The following ITGA9 variants were observed in gnomAD, a reference collection of about 807,000 sequenced individuals.
ITGA9 encodes the protein integrin alpha-9.
ITGA9 carries 56 observed loss-of-function variants against 127.8 expected under a neutral mutation model. The observed-to-expected ratio is 0.44, with a 90% confidence interval of 0.35 to 0.55. ITGA9 has a LOEUF of 0.55. ITGA9 is among the 20% of genes least tolerant of loss of function. ITGA9 has a pLI of 0.00. For missense variants in ITGA9, 1,196 were observed against 1,347.1 expected (o/e 0.89, Z 1.76); for synonymous variants, 508 against 514.5 (o/e 0.99, Z 0.17).
chr3:37,565,762 C>A (rs888506190), intron 15 of ITGA9, among the ~76,000 whole-genome samples: 4 of 152,200 alleles, frequency 2.6e-5, no homozygotes, highest in African/African-American at 9.6e-5. Context: ...TGATTCTGTA[C>A]CTCTGAGGTG....
intron 1 of ITGA9, among the ~76,000 whole-genome samples, chr3:37,459,548 A>T (rs1295386979): frequency 2.0e-5 from 3 of 152,216 alleles, no homozygotes; most frequent in Non-Finnish European, 4.4e-5. Flanking sequence ...TCCAAATAAC[A>T]TTACCTTGGG....
chr3:37,504,880 G>C (rs1267571712), intron 6 of ITGA9, among the ~76,000 whole-genome samples: 1 of 152,218 alleles, frequency 6.6e-6, no homozygotes, highest in African/African-American at 2.4e-5. Flanking sequence ...TTTAGGGTTA[G>C]AGGGTGATGA....
chr3:37,631,597 C>G (rs1271561546), intron 16 of ITGA9, among the ~76,000 whole-genome samples: 1 of 152,152 alleles, frequency 6.6e-6, no homozygotes, highest in East Asian at 1.9e-4. Flanking sequence ...CAGTAATTTT[C>G]TGGTATGAGT....
chr3:37,686,388 T>G (rs1220810238), intron 18 of ITGA9, among the ~76,000 whole-genome samples: 4 of 152,162 alleles, frequency 2.6e-5, no homozygotes, highest in Non-Finnish European at 5.9e-5. Context: ...CCCTTGAAGC[T>G]GCTGGGGACA....
At chr3:37,495,596 G>A (rs267518) in intron 5 of ITGA9, among the ~76,000 whole-genome samples, 80,355 of 151,908 alleles carry the variant, frequency 0.53, 22,105 homozygotes, top group East Asian at 0.8. Context: ...TATTACAATC[G>A]CCTCCATTAT....
chr3:37,742,849 C>A (rs900731012), intron 21 of ITGA9, among the ~76,000 whole-genome samples: 6 of 152,182 alleles, frequency 3.9e-5, no homozygotes, highest in African/African-American at 1.4e-4. Context: ...ACATGAGGTA[C>A]TGATGGAATA....
rs150920372 is a variant in ITGA9 at position 37,723,503 on chromosome 3, G to A, written c.2068-9209G>A. On this transcript the variant is annotated intron_variant, in intron 18 of 27. Coordinates refer to ENST00000264741, the MANE Select transcript of ITGA9 (RefSeq NM_002207.3). ...AGCCTCCCAAGTAGCTGGGGCTACA[G>A]ATGTGTGCTACTACAACTGGGCTAA... Among the ~76,000 whole-genome samples, 821 of 152,262 alleles carry A rather than the reference G, an allele frequency of 5.4e-3. 5 individuals carry two copies. The highest frequency in any genetic ancestry group is 0.018 in the African/African-American group (762 of 41,562).
At chr3:37,675,743 CTTTT>C (rs5848124) in intron 17 of ITGA9, among the ~76,000 whole-genome samples, 2 of 124,544 alleles carry the variant, frequency 1.6e-5, no homozygotes, top group Admixed American at 8.3e-5. Context: ...TTAAAAACTA[CTTTT>C]TTTTTTTTTT....
At chr3:37,589,359 G>A (rs1462452036) in intron 15 of ITGA9, among the ~76,000 whole-genome samples, 5 of 152,170 alleles carry the variant, frequency 3.3e-5, no homozygotes, top group African/African-American at 1.2e-4. Flanking sequence ...GGTAGCATGG[G>A]ACTTACCAGT....
intron 24 of ITGA9, 23 bp downstream of exon 24, chr3:37,777,540 G>C: frequency 6.2e-7 from 1 of 1,613,552 alleles, no homozygotes; most frequent in South Asian, 1.1e-5. Flanking sequence ...TTAGTGGTTG[G>C]GGTAACACGG....
At position 37,683,866 on chromosome 3, in the gene ITGA9, A is replaced by G; in HGVS notation, c.1918A>G (p.Met640Val). Residue 640 changes from methionine to valine, a missense_variant and splice_region_variant, in exon 18 of 28, where the codon ATG (methionine) becomes GTG (valine). Physicochemically the swap from Met to Val is conservative, Grantham distance 21. Coordinates refer to ENST00000264741, the MANE Select transcript of ITGA9 (RefSeq NM_002207.3). ...ATTGCTGTCTATTTTTCGTTACAGT[A>G]TGGATGAGAAAACCCTGTATCTAGC... ...QLQGKLLLSS[M>V]DEKTLYLALG... 8.7e-6 allele frequency: 14 copies of G among 1,613,964 alleles called. No homozygotes were observed. Among genetic ancestry groups the G allele is most frequent in the Non-Finnish European group, 1.2e-5 (14 of 1,179,974 alleles).
chr3:37,683,475 ACT>A (rs1443581493), intron 17 of ITGA9, among the ~76,000 whole-genome samples: 21 of 152,086 alleles, frequency 1.4e-4, no homozygotes, highest in Admixed American at 1.4e-3. Flanking sequence ...AGCTACCAGG[ACT>A]CTGTTTTCTT....
chr3:37,714,223 G>A (rs1000083238), intron 18 of ITGA9, among the ~76,000 whole-genome samples: 5 of 152,202 alleles, frequency 3.3e-5, no homozygotes, highest in Non-Finnish European at 7.3e-5. Context: ...CCTACCTCAC[G>A]GTGTCAGTGT....
At chr3:37,640,926 T>A (rs2125641272) in intron 16 of ITGA9, among the ~76,000 whole-genome samples, 1 of 152,316 alleles carries the variant, frequency 6.6e-6, no homozygotes, top group Non-Finnish European at 1.5e-5. Context: ...TGGATCCTGC[T>A]GTTCCCTTCC....
chr3:37,749,619 C>G (rs1696555583), intron 22 of ITGA9: 1 of 152,262 alleles, frequency 6.6e-6, no homozygotes, highest in Non-Finnish European at 1.5e-5. Context: ...TTACTGGTCT[C>G]TGTGACCTCC....
At chr3:37,659,533 T>C (rs771188576) in intron 17 of ITGA9, among the ~76,000 whole-genome samples, 37 of 151,926 alleles carry the variant, frequency 2.4e-4, no homozygotes, top group Non-Finnish European at 4.3e-4. Context: ...CTCCATTGGG[T>C]CATTTATGTT....
chr3:37,495,536 C>G (rs896082606), intron 5 of ITGA9, among the ~76,000 whole-genome samples: 5 of 152,132 alleles, frequency 3.3e-5, no homozygotes, highest in African/African-American at 9.7e-5. Flanking sequence ...ATCTGCAGTC[C>G]TGTTGTTTTA....
intron 23 of ITGA9, among the ~76,000 whole-genome samples, chr3:37,767,790 G>A (rs1050324102): frequency 1.3e-5 from 2 of 152,128 alleles, no homozygotes; most frequent in African/African-American, 2.4e-5. Flanking sequence ...TAATGAACAC[G>A]GGGTCTCTTT....
chr3:37,661,170 C>T (rs573310070), intron 17 of ITGA9, among the ~76,000 whole-genome samples: 5 of 152,344 alleles, frequency 3.3e-5, no homozygotes, highest in African/African-American at 1.2e-4. Flanking sequence ...CAAGGTAGCC[C>T]TGTCTCTTAT....
Sources: gnomAD v4.1 joint callset for allele counts (sites outside exome capture counted in the v4.1 genomes callset) on GRCh38, gnomAD v4.1.1 for gene constraint, MANE v1.5 for transcripts, NCBI Gene and HGNC (gene_info 2026-07-23, HGNC 2026-07-21) for gene names.